RBPJL: variants seen among roughly 807,000 people sequenced by gnomAD.
The protein encoded by RBPJL is recombination signal binding protein for immunoglobulin kappa J region like.
RBPJL carries 50 observed loss-of-function variants against 57.6 expected under a neutral mutation model. That is an observed-to-expected ratio of 0.87 (90% CI 0.69 to 1.10). The LOEUF is 1.10. Ranked by LOEUF, RBPJL falls within the 50% of genes least tolerant of loss-of-function variation. RBPJL has a pLI of 0.00. For synonymous variants in RBPJL, 303 were observed against 294.4 expected (o/e 1.03, Z -0.30); for missense variants, 684 against 693.7 (o/e 0.99, Z 0.16).
Position 45,313,638 on chromosome 20 carries a change from C to T in RBPJL, c.757+33C>T, listed in dbSNP as rs1032396313. On this transcript the variant is annotated intron_variant, in intron 7 of 11. Coordinates refer to ENST00000343694, the MANE Select transcript of RBPJL (RefSeq NM_014276.4). ...CATCTGCAGGCCCTGGAGCTGGGCA[C>T]TTCACATGCATTAGCTTATTTAACC... 6.4e-6 allele frequency: 10 copies of T among 1,559,068 alleles called. No individual in the cohort carries two copies. The African/African-American group carries it at 6.8e-5, about 11-fold the overall frequency.
rs1247329851 is a variant in RBPJL, at chr20:45,312,343, C to T, written c.567C>T (p.Ile189=). 3.1e-6 allele frequency: 5 copies of T among 1,614,066 alleles called. No individual in the cohort carries two copies. Among genetic ancestry groups the T allele is most frequent in the Non-Finnish European group, 4.2e-6 (5 of 1,180,042 alleles). The part of the protein sequence containing the change: ...RELGTFHSRL[I]KVISKPSQKK... ...TGGGTACCTTCCACAGCCGCCTTAT[C>T]AAGGTCATCTCGAAGCCCTCGCAGA... is the stretch of plus-strand genomic sequence containing the variant. Residue 189 remains isoleucine, a synonymous_variant, in exon 6 of 12, where the codon ATC becomes ATT. Coordinates refer to ENST00000343694, the MANE Select transcript of RBPJL (RefSeq NM_014276.4).
At position 45,308,135 on chromosome 20, in the gene RBPJL, C is replaced by G. The variant is rs376807232; in HGVS notation, c.23-8C>G. On this transcript the variant is annotated splice_polypyrimidine_tract_variant and splice_region_variant and intron_variant, in intron 1 of 11. Transcript: ENST00000343694. ...GCCTGACCTGGCTTGATGCCTACTC[C>G]CCTGCAGACCCCTCAGTGCCTCCCA... 4.4e-6 allele frequency: 7 copies of G among 1,603,884 alleles called. No homozygotes were observed. Among genetic ancestry groups the G allele is most frequent in the Non-Finnish European group, 6.0e-6 (7 of 1,170,978 alleles).
At chr20:45,310,359 C>G (rs1987099506) in intron 3 of RBPJL, among the ~76,000 whole-genome samples, 1 of 152,132 alleles carries the variant, frequency 6.6e-6, no homozygotes, top group African/African-American at 2.4e-5. Flanking sequence ...GTAATCCCAG[C>G]ACTTTGGGAG....
At position 45,306,941 on chromosome 20, in the gene RBPJL, G is replaced by C; in HGVS notation, c.19G>C (p.Ala7Pro). 3 of 1,255,002 alleles carry C rather than the reference G, an allele frequency of 2.4e-6. No individual in the cohort carries two copies. Among genetic ancestry groups the C allele is most frequent in the Non-Finnish European group, 3.0e-6 (3 of 991,626 alleles). The allele number at this position is 1,255,002 out of a possible 1,614,324, so 77.7% of individuals were successfully genotyped here. The stretch of plus-strand genomic sequence containing the variant: ...AGCCACCATGGACCCCGCAGGGGCA[G>C]CAGGTGAGCGCTTACCCTCCCGAGG... Reference protein sequence around the residue: MDPAGAADPSVPPNPLT... With the variant: MDPAGAPDPSVPPNPLT... Residue 7 changes from alanine to proline, a missense_variant, in exon 1 of 12, where the codon GCA becomes CCA. Physicochemically the swap from Ala to Pro is conservative, Grantham distance 27. Transcript: ENST00000343694.
At chr20:45,316,122 C>A in intron 9 of RBPJL, 65 bp from the exon 10 acceptor site, 1 of 1,533,864 alleles carries the variant, frequency 6.5e-7, no homozygotes, top group Non-Finnish European at 9.0e-7. Context: ...ACGCGCCATG[C>A]TGGCTCCCTA....
rs777088318 is a variant in RBPJL, at chr20:45,308,226, C to A, written c.106C>A (p.Arg36=). The change falls in exon 2 of 12, where the codon CGG becomes AGG. Residue 36 remains arginine, a synonymous_variant. Coordinates refer to ENST00000343694, the MANE Select transcript of RBPJL (RefSeq NM_014276.4). ...EMQLQSEADR[R]SLPGTWTRSS... ...GCAGCTGCAGAGCGAAGCCGACAGGCGGAGCCTCCCGGGCACTTGGACCAG... is the reference window on the plus strand; with the variant it reads ...GCAGCTGCAGAGCGAAGCCGACAGGAGGAGCCTCCCGGGCACTTGGACCAG... The A allele has an allele frequency of 1.1e-5, 17 of 1,613,684 alleles. No homozygotes were observed. Among genetic ancestry groups the A allele is most frequent in the Non-Finnish European group, 1.4e-5 (17 of 1,179,584 alleles).
intron 9 of RBPJL, 108 bp from the exon 10 acceptor site, chr20:45,316,079 A>G: frequency 3.8e-6 from 4 of 1,039,756 alleles, no homozygotes; most frequent in South Asian, 3.0e-5. Flanking sequence ...AGAGCCTAGG[A>G]TTAGTATCCA....
In RBPJL at chr20:45,316,465, A is replaced by G. The variant is rs1374705331; in HGVS notation, c.1177-12A>G. ...TGGTTCTCTCACCTCACCTGGTCCC[A>G]CCCTCCCCCAGCTGAGCGGCGGGGG... On this transcript the variant is annotated splice_polypyrimidine_tract_variant and intron_variant, in intron 10 of 11. Coordinates refer to ENST00000343694, the MANE Select transcript of RBPJL (RefSeq NM_014276.4). The G allele has an allele frequency of 6.4e-7, 1 of 1,550,958 alleles. No individual in the cohort carries two copies. The highest frequency in any genetic ancestry group is 8.7e-7 in the Non-Finnish European group (1 of 1,146,964).
rs1018084958 is a variant in RBPJL at position 45,306,932 on chromosome 20, G to A, written c.10G>A (p.Ala4Thr). The A allele has an allele frequency of 1.4e-5, 18 of 1,255,574 alleles. No homozygotes were observed. Among genetic ancestry groups the A allele is most frequent in the Non-Finnish European group, 1.6e-5 (16 of 992,158 alleles). 77.8% of individuals were successfully genotyped at this position (1,255,574 alleles called of 1,614,324 possible). Residue 4 changes from alanine to threonine, a missense_variant, in exon 1 of 12, where the codon GCA (alanine) becomes ACA (threonine). Physicochemically the swap from Ala to Thr is moderately conservative, Grantham distance 58. Transcript: ENST00000343694. ...GCCCCGTGGAGCCACCATGGACCCC[G>A]CAGGGGCAGCAGGTGAGCGCTTACC... is the stretch of plus-strand genomic sequence containing the variant. Reference protein sequence around the residue: MDPAGAADPSVPPN... With the variant: MDPTGAADPSVPPN...
chr20:45,308,089 C>G, intron 1 of RBPJL, 54 bp from the exon 2 acceptor site: 2 of 1,278,244 alleles, frequency 1.6e-6, no homozygotes, highest in East Asian at 4.7e-5. Flanking sequence ...CCCTAGGCAG[C>G]GTCTCTGCTA....
chr20:45,306,844 T>C lies in RBPJL; in HGVS notation c.-79T>C. 1 of 1,043,762 alleles carries C rather than the reference T, an allele frequency of 9.6e-7. No individual in the cohort carries two copies. Among genetic ancestry groups the C allele is most frequent in the Non-Finnish European group, 1.2e-6 (1 of 801,376 alleles). The allele number at this position is 1,043,762 out of a possible 1,614,324, so 64.7% of individuals were successfully genotyped here. A position where few individuals can be genotyped will look rare whatever the true frequency, so the allele number is the denominator to read the frequency against. On this transcript the variant is annotated 5_prime_UTR_variant, in exon 1 of 12. Transcript: ENST00000343694. Reference sequence around the variant, plus strand: ...CCGCGCAAGAGCCGAGGAGCAGGGGTGTGCAGGGTTCCAGCGACAGCAGCA... The same window carrying C: ...CCGCGCAAGAGCCGAGGAGCAGGGGCGTGCAGGGTTCCAGCGACAGCAGCA...
chr20:45,311,139 A>G (rs1316700797), intron 3 of RBPJL, among the ~76,000 whole-genome samples: 2 of 151,216 alleles, frequency 1.3e-5, no homozygotes, highest in African/African-American at 4.9e-5. Context: ...AAAGAAAAAG[A>G]AAAAGAAAGA....
In RBPJL at chr20:45,317,326, G is replaced by T; in HGVS notation, c.*367G>T. The stretch of plus-strand genomic sequence containing the variant: ...TCCTTTTCTCTCTTCAGCTCTCCCT[G>T]CCTCTCACACACAATTTTACATGCC... On this transcript the variant is annotated 3_prime_UTR_variant, in exon 12 of 12. Coordinates refer to ENST00000343694, the MANE Select transcript of RBPJL (RefSeq NM_014276.4). The T allele has an allele frequency of 4.0e-6, 1 of 250,810 alleles. No individual in the cohort carries two copies. Among genetic ancestry groups the T allele is most frequent in the Non-Finnish European group, 7.5e-6 (1 of 132,796 alleles). 15.5% of individuals were successfully genotyped at this position (250,810 alleles called of 1,614,324 possible).
chr20:45,312,463 T>C, intron 6 of RBPJL, 68 bp downstream of exon 6: 2 of 1,505,764 alleles, frequency 1.3e-6, no homozygotes, highest in Non-Finnish European at 1.8e-6. Context: ...ACGGCTAAAC[T>C]GGGGCGCGGA....
chr20:45,311,618 T>A lies in RBPJL; in HGVS notation c.287T>A (p.Leu96His), dbSNP rs1229025833. 3.7e-6 allele frequency: 6 copies of A among 1,613,980 alleles called. No individual in the cohort carries two copies. Among genetic ancestry groups the A allele is most frequent in the Non-Finnish European group, 5.1e-6 (6 of 1,180,026 alleles). ...TTCTGCCCCCCGCCCTGTGTCTACC[T>A]CTCGGGGCCTGGCTGGAGGGTGAAG... ...RFFCPPPCVYLSGPGWRVKPG... is the reference protein window; with the variant it reads ...RFFCPPPCVYHSGPGWRVKPG... Residue 96 changes from leucine to histidine, a missense_variant, in exon 4 of 12, where the codon CTC becomes CAC. Leu to His is a moderately conservative substitution (Grantham distance 99). Transcript: ENST00000343694.
intron 3 of RBPJL, among the ~76,000 whole-genome samples, 180 bp from the exon 4 acceptor site, chr20:45,311,409 T>C (rs552092551): frequency 5.9e-4 from 90 of 152,110 alleles, no homozygotes; most frequent in African/African-American, 2.1e-3. Flanking sequence ...ATGAGTTGAA[T>C]GAGGGGTGTA....
rs543610936 is a variant in RBPJL at position 45,317,798 on chromosome 20, A to C, written c.*839A>C. ...CAGTCCTGAGGATCAGGGATTCTAC[A>C]GCTGCATTAAAATCAATCCTATCCA... On this transcript the variant is annotated 3_prime_UTR_variant, in exon 12 of 12. Transcript: ENST00000343694. The C allele has an allele frequency of 2.6e-5, 4 of 152,478 alleles. No individual in the cohort carries two copies. In the South Asian group the frequency reaches 8.3e-4, roughly 32 times the overall value. 9.4% of individuals were successfully genotyped at this position (152,478 alleles called of 1,614,324 possible). A position where few individuals can be genotyped will look rare whatever the true frequency, so the allele number is the denominator to read the frequency against.
rs1568894319 is a variant in RBPJL at position 45,314,460 on chromosome 20, G to GC, written c.918dup (p.Ile307HisfsTer48). ...AGTGTGCGCTCCTTGATGTGGATGA[G>GC]CCCATCTCCCAGCTGCACAAGTGTG... On this transcript the variant is annotated frameshift_variant, in exon 9 of 12. Coordinates refer to ENST00000343694, the MANE Select transcript of RBPJL (RefSeq NM_014276.4). LOFTEE classifies it high-confidence loss of function. 1 of 1,614,170 alleles carries GC rather than the reference G, an allele frequency of 6.2e-7. No individual in the cohort carries two copies. The highest frequency in any genetic ancestry group is 8.5e-7 in the Non-Finnish European group (1 of 1,180,012).
intron 3 of RBPJL, 113 bp from the exon 4 acceptor site, chr20:45,311,476 G>T (rs1056876150): frequency 6.5e-6 from 6 of 922,846 alleles, no homozygotes; most frequent in South Asian, 3.0e-5. Context: ...GCGTTGCGGG[G>T]AGCGGGAGGA....
Sources: gnomAD v4.1 joint callset for allele counts (sites outside exome capture counted in the v4.1 genomes callset) on GRCh38, gnomAD v4.1.1 for gene constraint, MANE v1.5 for transcripts, NCBI Gene and HGNC (gene_info 2026-07-23, HGNC 2026-07-21) for gene names.